The following SLC51B variants were observed in gnomAD, a reference collection of about 807,000 sequenced individuals.
The protein encoded by SLC51B is SLC51 subunit beta.
SLC51B carries 6 observed loss-of-function variants against 8.0 expected under a neutral mutation model. That is an observed-to-expected ratio of 0.75 (90% CI 0.41 to 1.48). SLC51B has a LOEUF of 1.48. Among genes scored for constraint, SLC51B ranks in the 40% most tolerant of loss-of-function variants. The pLI, the probability that SLC51B is intolerant of heterozygous loss-of-function variation, is 0.01. For missense variants in SLC51B, 150 were observed against 149.7 expected (o/e 1.00, Z -0.01); for synonymous variants, 61 against 54.8 (o/e 1.11, Z -0.50).
intron 1 of SLC51B, among the ~76,000 whole-genome samples, chr15:65,047,132 G>A (rs547748081): frequency 7.9e-5 from 12 of 151,708 alleles, no homozygotes; most frequent in African/African-American, 1.5e-4. Context: ...TGAGGTAGGC[G>A]GATCACCAAC....
intron 1 of SLC51B, among the ~76,000 whole-genome samples, chr15:65,047,284 C>G (rs567452483): frequency 6.7e-6 from 1 of 150,016 alleles, no homozygotes; most frequent in Admixed American, 6.7e-5. Context: ...TGCAGTGAGC[C>G]GAGATCACAC....
Position 65,052,965 on chromosome 15 carries a change from G to A in SLC51B, c.189-1G>A. On this transcript the variant is annotated splice_acceptor_variant, in intron 3 of 3. Transcript: ENST00000334287. LOFTEE classifies it high-confidence loss of function. ...ATTAACACTGTTCCCTGTCCCCCCA[G>A]AAAAGAAAAGATGCAGCCACCAGAA... The A allele has an allele frequency of 6.2e-7, 1 of 1,611,386 alleles. No homozygotes were observed. Among genetic ancestry groups the A allele is most frequent in the Non-Finnish European group, 8.5e-7 (1 of 1,179,472 alleles).
intron 2 of SLC51B, 44 bp downstream of exon 2, chr15:65,050,145 C>A: frequency 6.8e-7 from 1 of 1,474,698 alleles, no homozygotes; most frequent in South Asian, 1.2e-5. Context: ...GTGTGCCCCT[C>A]AACACAGAGC....
chr15:65,046,030 T>C (rs1460793167), intron 1 of SLC51B, among the ~76,000 whole-genome samples: 1 of 152,114 alleles, frequency 6.6e-6, no homozygotes, highest in African/African-American at 2.4e-5. Context: ...CCGGGTGCGG[T>C]GGCTCATGCC....
At chr15:65,049,668 C>T (rs1339424586) in intron 1 of SLC51B, 1 of 174,140 alleles carries the variant, frequency 5.7e-6, no homozygotes, top group East Asian at 1.5e-4. Flanking sequence ...GCCAGTGGCT[C>T]AGTCCTCCTC....
In SLC51B at chr15:65,051,532, T is replaced by C; in HGVS notation, c.115T>C (p.Ser39Pro). Reference protein sequence around the residue: ...RVEDASPWNHSILALAAVVVI... With the variant: ...RVEDASPWNHPILALAAVVVI... ...TTCCCCAGCATCTCCCTGGAATCATTCCATCCTTGCCCTGGCAGCTGTGGT... is the reference window on the plus strand; with the variant it reads ...TTCCCCAGCATCTCCCTGGAATCATCCCATCCTTGCCCTGGCAGCTGTGGT... Residue 39 changes from serine to proline, a missense_variant, in exon 3 of 4, where the codon TCC (serine) becomes CCC (proline). Ser to Pro is a moderately conservative substitution (Grantham distance 74, BLOSUM62 -1). Coordinates refer to ENST00000334287, the MANE Select transcript of SLC51B (RefSeq NM_178859.4). 1 of 1,613,700 alleles carries C rather than the reference T, an allele frequency of 6.2e-7. No individual in the cohort carries two copies. Among genetic ancestry groups the C allele is most frequent in the African/African-American group, 1.3e-5 (1 of 75,006 alleles).
At chr15:65,048,429 T>C (rs1003918642) in intron 1 of SLC51B, among the ~76,000 whole-genome samples, 11 of 152,238 alleles carry the variant, frequency 7.2e-5, no homozygotes, top group Admixed American at 5.2e-4. Context: ...TCTGTCTGGC[T>C]GTTTGCCATC....
chr15:65,046,638 C>T (rs1006689252), intron 1 of SLC51B, among the ~76,000 whole-genome samples: 14 of 151,670 alleles, frequency 9.2e-5, no homozygotes, highest in Non-Finnish European at 1.3e-4. Flanking sequence ...TTTGGCCAGG[C>T]GCGGTGGCTC....
chr15:65,050,510 TA>T (rs1302740443), intron 2 of SLC51B, among the ~76,000 whole-genome samples: 6 of 152,102 alleles, frequency 3.9e-5, no homozygotes, highest in Non-Finnish European at 8.8e-5. Context: ...AGAAAGAGAA[TA>T]GGAAGTATGC....
chr15:65,046,788 C>T (rs1274879265), intron 1 of SLC51B, among the ~76,000 whole-genome samples: 1 of 152,016 alleles, frequency 6.6e-6, no homozygotes, highest in Admixed American at 6.6e-5. Context: ...TGGCACATGC[C>T]TGTTGTACCA....
intron 1 of SLC51B, among the ~76,000 whole-genome samples, chr15:65,045,888 G>A (rs1434545382): frequency 6.6e-6 from 1 of 152,206 alleles, no homozygotes; most frequent in Non-Finnish European, 1.5e-5. Flanking sequence ...GTCTTTGGCC[G>A]GGCGCAGTGG....
At chr15:65,050,163 G>A in intron 2 of SLC51B, 62 bp downstream of exon 2, 1 of 1,374,574 alleles carries the variant, frequency 7.3e-7, no homozygotes, top group Non-Finnish European at 1.0e-6. Context: ...AGCAGAGTTT[G>A]GCTGAAGGTC....
Position 65,051,595 on chromosome 15 carries a change from C to G in SLC51B, c.178C>G (p.Gln60Glu), listed in dbSNP as rs372394370. The G allele has an allele frequency of 7.4e-6, 12 of 1,613,122 alleles. No individual in the cohort carries two copies. In the African/African-American group the frequency reaches 1.5e-4, roughly 20 times the overall value. ...ISMVLLGRSI[Q>E]ASRKEKMQPP... ...CATGGTCCTCCTGGGAAGAAGCATC[C>G]AGGCAAGCAGGTGAGGAGCTGGTCC... The change falls in exon 3 of 4, where the codon CAG becomes GAG. Residue 60 changes from glutamine to glutamate, a missense_variant. Physicochemically the swap from Gln to Glu is conservative, Grantham distance 29. Coordinates refer to ENST00000334287, the MANE Select transcript of SLC51B (RefSeq NM_178859.4).
chr15:65,051,261 T>C (rs573029339), intron 2 of SLC51B, among the ~76,000 whole-genome samples: 1 of 152,310 alleles, frequency 6.6e-6, no homozygotes, highest in African/African-American at 2.4e-5. Flanking sequence ...TTCACCCCTG[T>C]TGCCCCACTA....
intron 1 of SLC51B, among the ~76,000 whole-genome samples, chr15:65,048,053 C>A (rs1214638029): frequency 6.6e-6 from 1 of 152,094 alleles, no homozygotes; most frequent in Non-Finnish European, 1.5e-5. Flanking sequence ...GTGGCATGCC[C>A]TGTAGTCCCA....
At chr15:65,045,990 A>AC in intron 1 of SLC51B, among the ~76,000 whole-genome samples, 1 of 152,150 alleles carries the variant, frequency 6.6e-6, no homozygotes, top group South Asian at 2.1e-4. Context: ...ACGTGGTGAA[A>AC]CCCCATCTCT....
At chr15:65,047,795 T>TGATA (rs72192523) in intron 1 of SLC51B, among the ~76,000 whole-genome samples, 26,941 of 149,780 alleles carry the variant, frequency 0.18, 2,895 homozygotes, top group African/African-American at 0.31. Context: ...GATCGATAGA[T>TGATA]GATAGATAGA....
rs2086680301 is a variant in SLC51B, at chr15:65,053,283, TTTC to T, written c.*122_*124del. 2 of 1,434,530 alleles carry T rather than the reference TTTC, an allele frequency of 1.4e-6. No individual in the cohort carries two copies. Among genetic ancestry groups the T allele is most frequent in the Non-Finnish European group, 9.1e-7 (1 of 1,098,772 alleles). 88.9% of individuals were successfully genotyped at this position (1,434,530 alleles called of 1,614,324 possible). On this transcript the variant is annotated 3_prime_UTR_variant, in exon 4 of 4. Coordinates refer to ENST00000334287, the MANE Select transcript of SLC51B (RefSeq NM_178859.4). Reference sequence around the variant, plus strand: ...GAAGCCGCTTTTTTCTTTTTCTTTCTTTCTTTTTTTTTTTCTTAGCAGATACAA... The same window carrying T: ...GAAGCCGCTTTTTTCTTTTTCTTTCTTTTTTTTTTTTCTTAGCAGATACAA...
chr15:65,045,675 T>C (rs940689971), intron 1 of SLC51B, 93 bp downstream of exon 1: 3 of 152,186 alleles, frequency 2.0e-5, no homozygotes, highest in African/African-American at 7.2e-5. Flanking sequence ...CTGTTTAAAA[T>C]GCAGAGATCT....
Sources: gnomAD v4.1 joint callset for allele counts (sites outside exome capture counted in the v4.1 genomes callset) on GRCh38, gnomAD v4.1.1 for gene constraint, MANE v1.5 for transcripts, NCBI Gene and HGNC (gene_info 2026-07-23, HGNC 2026-07-21) for gene names.